Variants in NSUN7 observed in about 807,000 individuals in gnomAD.
NSUN7 encodes NOP2/Sun RNA methyltransferase family member 7.
Under a neutral mutation model 58.5 loss-of-function variants are expected in NSUN7, and 39 were observed. That is an observed-to-expected ratio of 0.67 (90% CI 0.52 to 0.87). The LOEUF is 0.87. NSUN7 is among the 40% of genes least tolerant of loss of function. NSUN7 has a pLI of 0.00. For synonymous variants in NSUN7, 278 were observed against 303.7 expected, an observed-to-expected ratio of 0.92 and a Z score of 0.88; for missense variants, 765 against 844.1, an observed-to-expected ratio of 0.91 and a Z score of 1.16.
At chr4:40,794,834 T>C (rs1430136365) in intron 9 of NSUN7, among the ~76,000 whole-genome samples, 2 of 152,222 alleles carry the variant, frequency 1.3e-5, no homozygotes, top group African/African-American at 4.8e-5. Flanking sequence ...CCTTAACAAC[T>C]CTTCTACAGT....
intron 7 of NSUN7, among the ~76,000 whole-genome samples, chr4:40,781,801 A>G (rs1742578275): frequency 6.6e-6 from 1 of 152,100 alleles, no homozygotes; most frequent in South Asian, 2.1e-4. Context: ...GCTCTTAAAT[A>G]AAAGGATACA....
intron 4 of NSUN7, among the ~76,000 whole-genome samples, chr4:40,766,334 G>A (rs1741723764): frequency 6.6e-6 from 1 of 151,800 alleles, no homozygotes; most frequent in Non-Finnish European, 1.5e-5. Context: ...CATCTATTGA[G>A]ATAATCATGT....
At chr4:40,798,111 C>T (rs1301530216) in intron 9 of NSUN7, among the ~76,000 whole-genome samples, 1 of 152,214 alleles carries the variant, frequency 6.6e-6, no homozygotes, top group Non-Finnish European at 1.5e-5. Context: ...ATCCCTCACC[C>T]GGCTCTGCTT....
rs1442379254 is a variant in NSUN7 at position 40,750,657 on chromosome 4, C to A, written c.-37C>A. On this transcript the variant is annotated 5_prime_UTR_variant, in exon 2 of 12. Coordinates refer to ENST00000381782, the MANE Select transcript of NSUN7 (RefSeq NM_024677.6). ...TTTCCTGGAACATCGGAATTCTAACCCCAGGGTGAAGGACTCACGACAGGC... is the reference window on the plus strand; with the variant it reads ...TTTCCTGGAACATCGGAATTCTAACACCAGGGTGAAGGACTCACGACAGGC... 3 of 1,601,864 alleles carry A rather than the reference C, an allele frequency of 1.9e-6. No individual in the cohort carries two copies. The highest frequency in any genetic ancestry group is 1.7e-5 in the Admixed American group (1 of 59,362).
chr4:40,753,857 G>T (rs1043550101), intron 2 of NSUN7, among the ~76,000 whole-genome samples: 1 of 152,028 alleles, frequency 6.6e-6, no homozygotes, highest in African/African-American at 2.4e-5. Context: ...TTCTATAAGG[G>T]GGAGTTTCCC....
intron 9 of NSUN7, among the ~76,000 whole-genome samples, chr4:40,798,412 T>C (rs1174731433): frequency 6.6e-6 from 1 of 152,248 alleles, no homozygotes; most frequent in Non-Finnish European, 1.5e-5. Flanking sequence ...AGAACTGGGA[T>C]TCACCTCTAA....
chr4:40,797,703 T>C (rs1038396816), intron 9 of NSUN7, among the ~76,000 whole-genome samples: 4 of 152,204 alleles, frequency 2.6e-5, no homozygotes, highest in Admixed American at 2.0e-4. Context: ...CTAATTTCTC[T>C]GCCAGCCTCT....
chr4:40,774,369 G>A lies in NSUN7; in HGVS notation c.593G>A (p.Arg198Lys). 1.2e-6 allele frequency: 2 copies of A among 1,613,944 alleles called. No homozygotes were observed. The highest frequency in any genetic ancestry group is 1.7e-6 in the Non-Finnish European group (2 of 1,179,890). The change falls in exon 5 of 12, where the codon AGG (arginine) becomes AAG (lysine). Residue 198 changes from arginine to lysine, a missense_variant. Arg to Lys is a conservative substitution (Grantham distance 26). Coordinates refer to ENST00000381782, the MANE Select transcript of NSUN7 (RefSeq NM_024677.6). The part of the protein sequence containing the change: ...LPETVRKQEL[R>K]ASTLPLYAWI... ...GAAACAGTTAGGAAACAGGAACTAA[G>A]GGCCTCCACTTTACCACTTTATGCT...
chr4:40,790,542 A>C (rs1743031098), intron 7 of NSUN7, 60 bp from the exon 8 acceptor site: 1 of 1,071,694 alleles, frequency 9.3e-7, no homozygotes, highest in Non-Finnish European at 1.4e-6. Context: ...ATACAATCAC[A>C]TACTACATTA....
At chr4:40,774,125 A>G in intron 4 of NSUN7, 140 bp from the exon 5 acceptor site, 1 of 802,944 alleles carries the variant, frequency 1.2e-6, no homozygotes, top group Non-Finnish European at 2.0e-6. Flanking sequence ...AATATGACAC[A>G]TTTTTATTTT....
At chr4:40,764,217 T>C (rs1741599972) in intron 4 of NSUN7, among the ~76,000 whole-genome samples, 1 of 120,170 alleles carries the variant, frequency 8.3e-6, no homozygotes, top group Non-Finnish European at 1.7e-5. Context: ...CCTAATGCTA[T>C]CCCTCCCCCC....
rs1190881096 is a variant in NSUN7, at chr4:40,809,795, A to AACTT, written c.*857_*860dup. On this transcript the variant is annotated 3_prime_UTR_variant, in exon 12 of 12. Coordinates refer to ENST00000381782, the MANE Select transcript of NSUN7 (RefSeq NM_024677.6). ...CATTTCAAATAGCACACAGGAATCA[A>AACTT]ACTTTGGTAAATCATTTCTGAGGCA... 6.6e-6 allele frequency: 1 copy of AACTT among 152,232 alleles called. No individual in the cohort carries two copies. The highest frequency in any genetic ancestry group is 1.5e-5 in the Non-Finnish European group (1 of 68,034). 9.4% of individuals were successfully genotyped at this position (152,232 alleles called of 1,614,324 possible).
chr4:40,799,940 T>TTG (rs1577584584), intron 10 of NSUN7, among the ~76,000 whole-genome samples: 1 of 152,336 alleles, frequency 6.6e-6, no homozygotes, highest in East Asian at 1.9e-4. Flanking sequence ...AAATTTCACA[T>TTG]TACAGAAGTA....
rs1379135309 is a variant in NSUN7, at chr4:40,776,058, C to T, written c.835C>T (p.Arg279Ter). 2 of 1,595,908 alleles carry T rather than the reference C, an allele frequency of 1.3e-6. No homozygotes were observed. Among genetic ancestry groups the T allele is most frequent in the East Asian group, 2.2e-5 (1 of 44,656 alleles). The change falls in exon 7 of 12, where the codon CGA becomes TGA. Residue 279 changes from arginine (R) to a stop codon, truncating the protein, a stop_gained. Coordinates refer to ENST00000381782, the MANE Select transcript of NSUN7 (RefSeq NM_024677.6). LOFTEE classifies it high-confidence loss of function. Reference protein sequence around the residue: ...DYKLIFQDKSRSLAVHSVKAL... With the variant: ...DYKLIFQDKS Reference sequence around the variant, plus strand: ...TACCATTATCTTACAGGACAAATCTCGAAGTCTTGCTGTCCATTCTGTAAA... The same window carrying T: ...TACCATTATCTTACAGGACAAATCTTGAAGTCTTGCTGTCCATTCTGTAAA...
intron 7 of NSUN7, among the ~76,000 whole-genome samples, chr4:40,787,871 G>A (rs889518952): frequency 3.9e-5 from 6 of 152,048 alleles, no homozygotes; most frequent in East Asian, 1.9e-4. Context: ...TTGCTCTGTC[G>A]CCCAGACGAC....
intron 2 of NSUN7, 31 bp downstream of exon 2, chr4:40,751,022 TA>T: frequency 6.2e-7 from 1 of 1,600,592 alleles, no homozygotes; most frequent in Non-Finnish European, 8.5e-7. Flanking sequence ...AGATCAACAC[TA>T]AAAGAAAATA....
intron 5 of NSUN7, 61 bp downstream of exon 5, chr4:40,774,478 GA>G (rs1742171324): frequency 4.6e-6 from 7 of 1,524,164 alleles, no homozygotes; most frequent in Non-Finnish European, 6.3e-6. Flanking sequence ...ATAATGTGAT[GA>G]GAAGCATTAC....
intron 2 of NSUN7, among the ~76,000 whole-genome samples, chr4:40,753,590 C>T (rs564507510): frequency 1.3e-5 from 2 of 152,208 alleles, no homozygotes; most frequent in South Asian, 4.2e-4. Flanking sequence ...TTGTCATAAA[C>T]CTTTATGAAA....
chr4:40,794,662 T>A (rs1743240599), intron 9 of NSUN7, among the ~76,000 whole-genome samples, 186 bp downstream of exon 9: 1 of 152,240 alleles, frequency 6.6e-6, no homozygotes. Flanking sequence ...TTTTAGAATA[T>A]ATGCTTTACT....
Sources: gnomAD v4.1 joint callset for allele counts (sites outside exome capture counted in the v4.1 genomes callset) on GRCh38, gnomAD v4.1.1 for gene constraint, MANE v1.5 for transcripts, NCBI Gene and HGNC (gene_info 2026-07-23, HGNC 2026-07-21) for gene names.